Variants in RORB observed in about 807,000 individuals in gnomAD.
RORB encodes the protein RAR related orphan receptor B.
A neutral mutation model predicts 59.1 loss-of-function variants in RORB; 6 were observed. The observed-to-expected ratio is 0.10, with a 90% CI of 0.06 to 0.20. The LOEUF (loss-of-function observed/expected upper bound fraction) is 0.20. RORB is among the 10% of genes least tolerant of loss of function. RORB has a pLI of 1.00. For synonymous variants in RORB, 215 were observed against 204.5 expected (o/e 1.05, Z -0.44); for missense variants, 320 against 560.5 (o/e 0.57, Z 4.33).
chr9:74,685,666 G>T lies in RORB; in HGVS notation c.*48G>T. ...TAGTCATGGAATGCATCACCATTAA[G>T]ACAAAAGCAATGTGTTCATGAAGAC... is the stretch of plus-strand genomic sequence containing the variant. On this transcript the variant is annotated 3_prime_UTR_variant, in exon 10 of 10. Transcript: ENST00000376896. 2 of 1,441,262 alleles carry T rather than the reference G, an allele frequency of 1.4e-6. No individual in the cohort carries two copies. The highest frequency in any genetic ancestry group is 1.5e-5 in the South Asian group (1 of 66,792). 89.3% of individuals were successfully genotyped at this position (1,441,262 alleles called of 1,614,324 possible). A position where few individuals can be genotyped will look rare whatever the true frequency, so the allele number is the denominator to read the frequency against.
At chr9:74,662,421 G>T in intron 5 of RORB, 53 bp from the exon 6 acceptor site, 2 of 1,589,098 alleles carry the variant, frequency 1.3e-6, no homozygotes, top group Admixed American at 1.7e-5. Context: ...GTGTTCTGTT[G>T]ACTCTCCGTA....
intron 1 of RORB, among the ~76,000 whole-genome samples, chr9:74,515,663 CA>C (rs1221166038): frequency 6.6e-6 from 1 of 151,928 alleles, no homozygotes; most frequent in Non-Finnish European, 1.5e-5. Context: ...CCCACCATTC[CA>C]AAATGCTGTC....
At position 74,497,840 on chromosome 9, in the gene RORB, T is replaced by G; in HGVS notation, c.-137T>G. On this transcript the variant is annotated 5_prime_UTR_variant, in exon 1 of 10. Transcript: ENST00000376896. The stretch of plus-strand genomic sequence containing the variant: ...TCACCCTGCAGCCACGGCGTCCGCC[T>G]AAAGGGATGGTTTTCTCGGCAGAGC... The G allele has an allele frequency of 9.3e-7, 1 of 1,076,342 alleles. No homozygotes were observed. Among genetic ancestry groups the G allele is most frequent in the Non-Finnish European group, 1.4e-6 (1 of 727,864 alleles). 66.7% of individuals were successfully genotyped at this position (1,076,342 alleles called of 1,614,324 possible). A position where few individuals can be genotyped will look rare whatever the true frequency, so the allele number is the denominator to read the frequency against.
At chr9:74,618,843 T>C (rs978924455) in intron 1 of RORB, among the ~76,000 whole-genome samples, 4 of 152,190 alleles carry the variant, frequency 2.6e-5, no homozygotes, top group African/African-American at 9.7e-5. Context: ...GATAATTTAA[T>C]GGCTTTATAT....
At chr9:74,577,262 G>A (rs954458356) in intron 1 of RORB, among the ~76,000 whole-genome samples, 2 of 151,910 alleles carry the variant, frequency 1.3e-5, no homozygotes, top group African/African-American at 2.4e-5. Flanking sequence ...TGTCAAAATC[G>A]TTCTGTAAAA....
At chr9:74,651,259 G>A (rs975031057) in intron 4 of RORB, among the ~76,000 whole-genome samples, 1 of 152,118 alleles carries the variant, frequency 6.6e-6, no homozygotes, top group Admixed American at 6.5e-5. Flanking sequence ...TGTCAGCCAG[G>A]CGCAGTGGCT....
At chr9:74,586,625 G>GTGTGTGTGTGTT (rs1266288376) in intron 1 of RORB, among the ~76,000 whole-genome samples, 1 of 151,724 alleles carries the variant, frequency 6.6e-6, no homozygotes, top group Non-Finnish European at 1.5e-5. Flanking sequence ...GTGTGTGTGT[G>GTGTGTGTGTGTT]TGTGTGTGTG....
intron 9 of RORB, among the ~76,000 whole-genome samples, chr9:74,674,317 C>T (rs1388004981): frequency 6.6e-6 from 1 of 152,152 alleles, no homozygotes; most frequent in East Asian, 1.9e-4. Context: ...TCATAGACCC[C>T]TTGGGGACTC....
At chr9:74,599,177 A>C (rs1823017046) in intron 1 of RORB, among the ~76,000 whole-genome samples, 1 of 152,306 alleles carries the variant, frequency 6.6e-6, no homozygotes, top group African/African-American at 2.4e-5. Flanking sequence ...TCCTTTGACT[A>C]ATATTTCCCC....
chr9:74,535,618 G>A (rs1430677783), intron 1 of RORB, among the ~76,000 whole-genome samples: 1 of 151,774 alleles, frequency 6.6e-6, no homozygotes, highest in Non-Finnish European at 1.5e-5. Flanking sequence ...ATATTTGCAA[G>A]GATTTTAGAG....
intron 9 of RORB, among the ~76,000 whole-genome samples, chr9:74,678,377 T>G (rs1040361535): frequency 1.3e-5 from 2 of 152,158 alleles, no homozygotes; most frequent in Non-Finnish European, 2.9e-5. Context: ...GCCAACAGAT[T>G]CACTAACTTC....
At chr9:74,555,246 G>A (rs1822269897) in intron 1 of RORB, among the ~76,000 whole-genome samples, 1 of 152,162 alleles carries the variant, frequency 6.6e-6, no homozygotes, top group Non-Finnish European at 1.5e-5. Context: ...CCTCGACAAG[G>A]CTGTTCAGCA....
chr9:74,650,716 G>A (rs11144037), intron 4 of RORB, among the ~76,000 whole-genome samples: 15,778 of 152,138 alleles, frequency 0.1, 1,061 homozygotes, highest in Non-Finnish European at 0.15. Flanking sequence ...AGCAAGATTT[G>A]TTCTGGAACA....
intron 1 of RORB, among the ~76,000 whole-genome samples, chr9:74,603,869 G>T (rs143213117): frequency 1.3e-5 from 2 of 152,136 alleles, no homozygotes; most frequent in Non-Finnish European, 2.9e-5. Flanking sequence ...TGGGCTAAGC[G>T]GACTGTGAGG....
intron 1 of RORB, among the ~76,000 whole-genome samples, chr9:74,500,281 C>T (rs1244128865): frequency 6.6e-6 from 1 of 152,154 alleles, no homozygotes; most frequent in Admixed American, 6.5e-5. Flanking sequence ...CCCCTAGTGT[C>T]TTTCCTTACT....
At chr9:74,527,778 T>C (rs1004073024) in intron 1 of RORB, among the ~76,000 whole-genome samples, 3 of 151,996 alleles carry the variant, frequency 2.0e-5, no homozygotes, top group Non-Finnish European at 4.4e-5. Flanking sequence ...TTCAAATCTG[T>C]TTTGTCACTA....
intron 1 of RORB, among the ~76,000 whole-genome samples, chr9:74,587,213 T>G (rs1822815542): frequency 6.6e-6 from 1 of 152,220 alleles, no homozygotes; most frequent in Non-Finnish European, 1.5e-5. Context: ...TGGTCAGAGC[T>G]TTATTGCTCC....
chr9:74,516,876 T>G (rs1826018357), intron 1 of RORB, among the ~76,000 whole-genome samples: 1 of 152,050 alleles, frequency 6.6e-6, no homozygotes, highest in East Asian at 1.9e-4. Context: ...TTACCAAATA[T>G]AAATTGCAAT....
At chr9:74,670,897 T>A (rs1426299144) in intron 8 of RORB, among the ~76,000 whole-genome samples, 4 of 152,220 alleles carry the variant, frequency 2.6e-5, no homozygotes, top group Non-Finnish European at 5.9e-5. Context: ...TGTCTAGGAT[T>A]ACAGAATTGA....
Sources: allele counts gnomAD v4.1 joint callset (sites outside exome capture counted in the v4.1 genomes callset), GRCh38; gene constraint gnomAD v4.1.1; transcripts MANE v1.5; gene names NCBI Gene and HGNC (gene_info 2026-07-23, HGNC 2026-07-21).